TCERG1L: variants seen among roughly 807,000 people sequenced by gnomAD.
The protein encoded by TCERG1L is transcription elongation regulator 1-like protein.
In TCERG1L, 37 loss-of-function variants were observed where a neutral mutation model predicts 56.3. The ratio of observed to expected loss-of-function variants is 0.66; its 90% CI spans 0.51 to 0.87. The LOEUF (loss-of-function observed/expected upper bound fraction) is 0.87. TCERG1L is among the 40% of genes least tolerant of loss of function. TCERG1L has a pLI of 0.00. For synonymous variants in TCERG1L, 324 were observed against 326.3 expected (o/e 0.99, Z 0.08); for missense variants, 799 against 774.2 (o/e 1.03, Z -0.38).
chr10:131,125,267 G>A (rs1845554456), intron 8 of TCERG1L, among the ~76,000 whole-genome samples: 1 of 152,082 alleles, frequency 6.6e-6, no homozygotes, highest in South Asian at 2.1e-4. Flanking sequence ...CAGCTTCTGA[G>A]CATCCACATC....
rs188621582 is a variant in TCERG1L at position 131,209,331 on chromosome 10, G to C, written c.857-42446C>G. 4.7e-5 allele frequency among the ~76,000 whole-genome samples: 7 copies of C among 149,200 alleles called. No homozygotes were observed. In the East Asian group the frequency reaches 1.6e-3, roughly 33 times the overall value. ...GCCTGGCTCTGACAAAGAAGCCGAA[G>C]TCTGGAAAATCAAGAGTCATTAAAT... On this transcript the variant is annotated intron_variant, in intron 4 of 11. Coordinates refer to ENST00000368642, the MANE Select transcript of TCERG1L (RefSeq NM_174937.4).
At chr10:131,149,315 C>CTGCTCCAGGTAGCGGACTCCAGGT (rs57277107) in intron 6 of TCERG1L, among the ~76,000 whole-genome samples, 1 of 152,074 alleles carries the variant, frequency 6.6e-6, no homozygotes, top group East Asian at 1.9e-4. Flanking sequence ...GCAGACTCCA[C>CTGCTCCAGGTAGCGGACTCCAGGT]ACCCAGGTAG....
At chr10:131,096,808 C>A (rs1399697731) in intron 11 of TCERG1L, among the ~76,000 whole-genome samples, 2 of 151,134 alleles carry the variant, frequency 1.3e-5, no homozygotes, top group Non-Finnish European at 2.9e-5. Flanking sequence ...TTGGCATGTA[C>A]CCAGGAGGCG....
intron 3 of TCERG1L, among the ~76,000 whole-genome samples, chr10:131,269,391 T>G (rs867550205): frequency 1.8e-4 from 28 of 152,302 alleles, no homozygotes; most frequent in Middle Eastern, 3.4e-3. Flanking sequence ...TTTGCCATGT[T>G]GGCTAGGCTG....
chr10:131,170,848 CT>C (rs1163329416), intron 4 of TCERG1L, among the ~76,000 whole-genome samples: 1 of 152,104 alleles, frequency 6.6e-6, no homozygotes, highest in Non-Finnish European at 1.5e-5. Flanking sequence ...CAAAATATCT[CT>C]TTAAGAAAAG....
chr10:131,093,180 C>T lies in TCERG1L; in HGVS notation c.1743G>A (p.Arg581=), dbSNP rs756230007. Residue 581 remains arginine (R), a synonymous_variant, in exon 12 of 12, where the codon AGG becomes AGA. Coordinates refer to ENST00000368642, the MANE Select transcript of TCERG1L (RefSeq NM_174937.4). ...LKKRDKENRL[R]LRKMR The stretch of plus-strand genomic sequence containing the variant: ...CACAAACTCATCTCATTTTCCGCAG[C>T]CTTAGTCTGTTTTCCTTGTCCCGTT... The T allele has an allele frequency of 3.1e-6, 5 of 1,613,600 alleles. No homozygotes were observed. The highest frequency in any genetic ancestry group is 2.7e-5 in the African/African-American group (2 of 74,888).
At chr10:131,289,340 A>AAATT (rs1554899858) in intron 3 of TCERG1L, among the ~76,000 whole-genome samples, 1 of 151,642 alleles carries the variant, frequency 6.6e-6, no homozygotes, top group Non-Finnish European at 1.5e-5. Context: ...TCTGATTATA[A>AAATT]AATACAGACT....
chr10:131,246,350 G>A (rs1335872770), intron 4 of TCERG1L, among the ~76,000 whole-genome samples: 2 of 152,132 alleles, frequency 1.3e-5, no homozygotes, highest in African/African-American at 2.4e-5. Context: ...AGCAAGGAGA[G>A]AAGAGGGGCA....
intron 10 of TCERG1L, 76 bp downstream of exon 10, chr10:131,104,189 A>G: frequency 9.3e-7 from 1 of 1,075,204 alleles, no homozygotes. Flanking sequence ...AGCAATGAAA[A>G]GCTCCCCAGA....
chr10:131,150,405 C>T (rs1170811227), intron 6 of TCERG1L, among the ~76,000 whole-genome samples: 1 of 152,218 alleles, frequency 6.6e-6, no homozygotes, highest in East Asian at 1.9e-4. Flanking sequence ...TACTGCATTC[C>T]ACAAGCAACA....
intron 3 of TCERG1L, among the ~76,000 whole-genome samples, chr10:131,293,577 C>T (rs1846656916): frequency 6.6e-6 from 1 of 152,034 alleles, no homozygotes; most frequent in African/African-American, 2.4e-5. Flanking sequence ...GACATTCCCA[C>T]CCCACCATAA....
intron 4 of TCERG1L, among the ~76,000 whole-genome samples, chr10:131,191,186 A>C (rs1178161824): frequency 6.9e-6 from 1 of 144,202 alleles, no homozygotes; most frequent in Non-Finnish European, 1.5e-5. Context: ...GAGGTGAAAA[A>C]TCTCTACAAG....
chr10:131,153,198 G>A (rs530501338), intron 6 of TCERG1L, among the ~76,000 whole-genome samples: 1 of 152,258 alleles, frequency 6.6e-6, no homozygotes, highest in East Asian at 1.9e-4. Context: ...GACGCTGGGT[G>A]CATGGCCTCT....
intron 3 of TCERG1L, among the ~76,000 whole-genome samples, chr10:131,285,399 A>AAGG (rs1846512017): frequency 7.6e-6 from 1 of 131,570 alleles, no homozygotes; most frequent in Admixed American, 8.0e-5. Context: ...GAAAGAAAAG[A>AAGG]AAGGAAGGAA....
At chr10:131,216,180 C>T (rs2133493273) in intron 4 of TCERG1L, among the ~76,000 whole-genome samples, 1 of 152,310 alleles carries the variant, frequency 6.6e-6, no homozygotes, top group East Asian at 1.9e-4. Context: ...TCACTCTGCC[C>T]TTGTTGGAGA....
At chr10:131,274,172 A>T (rs2133555998) in intron 3 of TCERG1L, among the ~76,000 whole-genome samples, 1 of 152,288 alleles carries the variant, frequency 6.6e-6, no homozygotes, top group South Asian at 2.1e-4. Flanking sequence ...ATGGGAAAGG[A>T]AAGATTCTCG....
At chr10:131,200,246 G>T (rs1845416722) in intron 4 of TCERG1L, among the ~76,000 whole-genome samples, 1 of 152,164 alleles carries the variant, frequency 6.6e-6, no homozygotes, top group Non-Finnish European at 1.5e-5. Context: ...AGTCTCGTTT[G>T]TGCTGCTAGA....
intron 4 of TCERG1L, among the ~76,000 whole-genome samples, chr10:131,181,825 C>G (rs967204317): frequency 3.9e-5 from 6 of 152,244 alleles, no homozygotes; most frequent in Non-Finnish European, 8.8e-5. Context: ...CTCGTGGTAG[C>G]CACTATTCTA....
At chr10:131,215,304 T>C (rs1354960307) in intron 4 of TCERG1L, among the ~76,000 whole-genome samples, 2 of 152,166 alleles carry the variant, frequency 1.3e-5, no homozygotes, top group African/African-American at 4.8e-5. Context: ...GAGAAGATAG[T>C]CCTTAAGTCT....
Sources: allele counts gnomAD v4.1 joint callset (sites outside exome capture counted in the v4.1 genomes callset), GRCh38; gene constraint gnomAD v4.1.1; transcripts MANE v1.5; gene names NCBI Gene and HGNC (gene_info 2026-07-23, HGNC 2026-07-21).